Variants in KTN1 observed in about 807,000 individuals in gnomAD.
KTN1 encodes the protein kinectin.
In KTN1, 130 loss-of-function variants were observed where a neutral mutation model predicts 222.5. That is an observed-to-expected ratio of 0.58 (90% confidence interval 0.51 to 0.68). The LOEUF is 0.68. Among genes scored for constraint, KTN1 ranks in the 30% least tolerant of loss-of-function variants. The pLI is 0.00. For synonymous variants in KTN1, 512 were observed against 496.3 expected (o/e 1.03, Z -0.42); for missense variants, 1,508 against 1,500.4 (o/e 1.01, Z -0.08).
intron 1 of KTN1, among the ~76,000 whole-genome samples, chr14:55,606,931 AAT>A: frequency 6.6e-6 from 1 of 152,300 alleles, no homozygotes; most frequent in African/African-American, 2.4e-5. Context: ...GCTGCATTAC[AAT>A]CTTAATTATT....
chr14:55,637,854 A>C lies in KTN1; in HGVS notation c.1785+7A>C, dbSNP rs753549510. On this transcript the variant is annotated splice_region_variant and intron_variant, in intron 12 of 43. Transcript: ENST00000395314. ...TTCCCAGATAGCAGCCCAGGTAATGATGCTTTCTTATTGCTTATGATTAAT... is the reference window on the plus strand; with the variant it reads ...TTCCCAGATAGCAGCCCAGGTAATGCTGCTTTCTTATTGCTTATGATTAAT... 2.5e-6 allele frequency: 4 copies of C among 1,603,178 alleles called. No homozygotes were observed. Among genetic ancestry groups the C allele is most frequent in the South Asian group, 1.1e-5 (1 of 90,258 alleles).
At chr14:55,654,579 T>G (rs2043269752) in intron 28 of KTN1, among the ~76,000 whole-genome samples, 1 of 151,928 alleles carries the variant, frequency 6.6e-6, no homozygotes, top group Non-Finnish European at 1.5e-5. Flanking sequence ...AATTAATAGA[T>G]TTTATTTTTT....
chr14:55,583,637 CT>C (rs1480517892), intron 1 of KTN1, among the ~76,000 whole-genome samples: 2 of 152,186 alleles, frequency 1.3e-5, no homozygotes, highest in Non-Finnish European at 2.9e-5. Context: ...ACTTGACATG[CT>C]CAGTCCTTGT....
intron 5 of KTN1, among the ~76,000 whole-genome samples, chr14:55,625,605 T>A (rs184794663): frequency 6.6e-6 from 1 of 152,216 alleles, no homozygotes; most frequent in Non-Finnish European, 1.5e-5. Flanking sequence ...TCAATGTTAG[T>A]ACTTTTGTCA....
intron 29 of KTN1, among the ~76,000 whole-genome samples, chr14:55,656,515 A>G (rs989391400): frequency 6.6e-6 from 1 of 152,004 alleles, no homozygotes; most frequent in East Asian, 1.9e-4. Flanking sequence ...CTCAGGCTGG[A>G]GTACAGTGGC....
chr14:55,678,162 A>G (rs879778433), intron 41 of KTN1, among the ~76,000 whole-genome samples, 190 bp from the exon 42 acceptor site: 2 of 152,190 alleles, frequency 1.3e-5, no homozygotes, highest in African/African-American at 2.4e-5. Flanking sequence ...GCATTACTTA[A>G]GCTTTTAAAA....
chr14:55,623,290 A>G (rs1241802351), intron 5 of KTN1, among the ~76,000 whole-genome samples: 1 of 152,296 alleles, frequency 6.6e-6, no homozygotes, highest in Non-Finnish European at 1.5e-5. Context: ...AATGGCCCAG[A>G]GTAAAAAGGT....
intron 42 of KTN1, chr14:55,679,312 T>G: frequency 5.7e-6 from 2 of 353,842 alleles, no homozygotes; most frequent in Non-Finnish European, 1.0e-5. Flanking sequence ...TATTCATAGA[T>G]TCTAGATTTT....
At chr14:55,611,840 A>G in intron 1 of KTN1, 179 bp from the exon 2 acceptor site, 1 of 322,508 alleles carries the variant, frequency 3.1e-6, no homozygotes, top group Non-Finnish European at 5.6e-6. Context: ...TTTTCATAGT[A>G]TATATGAATT....
At position 55,646,989 on chromosome 14, in the gene KTN1, TG is replaced by T; in HGVS notation, c.2191del (p.Glu731AsnfsTer14). 2 of 1,535,026 alleles carry T rather than the reference TG, an allele frequency of 1.3e-6. No homozygotes were observed. The highest frequency in any genetic ancestry group is 1.8e-6 in the Non-Finnish European group (2 of 1,111,040). Reference protein sequence around the residue: ...LVSEQPNKDVVEQMEKCIQEK... With the variant: ...LVSEQPNKDVXEQMEKCIQEK... ...TTATTTTAGCCTAATAAGGATGTTG[TG>T]GAACAAATGGAAAAATGGTAAGAGT... On this transcript the variant is annotated frameshift_variant, in exon 19 of 44. Coordinates refer to ENST00000395314, the MANE Select transcript of KTN1 (RefSeq NM_001079521.2). LOFTEE classifies it high-confidence loss of function.
intron 28 of KTN1, among the ~76,000 whole-genome samples, chr14:55,655,406 G>A (rs1409856803): frequency 6.6e-6 from 1 of 152,088 alleles, no homozygotes; most frequent in Non-Finnish European, 1.5e-5. Context: ...TGAAATTCTG[G>A]ATCAAGGTGT....
chr14:55,617,062 CAT>C (rs555154117), intron 3 of KTN1, among the ~76,000 whole-genome samples: 96 of 152,270 alleles, frequency 6.3e-4, no homozygotes, highest in Middle Eastern at 3.4e-3. Flanking sequence ...ACAGAACTCA[CAT>C]GTGTATATGG....
intron 1 of KTN1, among the ~76,000 whole-genome samples, chr14:55,607,868 C>T (rs796944815): frequency 6.6e-6 from 1 of 152,134 alleles, no homozygotes; most frequent in Non-Finnish European, 1.5e-5. Context: ...GTGGTCCAGC[C>T]TGAGCAGTGT....
intron 2 of KTN1, among the ~76,000 whole-genome samples, 162 bp from the exon 3 acceptor site, chr14:55,616,355 G>T (rs1414007158): frequency 6.6e-6 from 1 of 152,204 alleles, no homozygotes; most frequent in Non-Finnish European, 1.5e-5. Context: ...AAGAGCTGGT[G>T]TAGTGGAGTA....
intron 5 of KTN1, 102 bp downstream of exon 5, chr14:55,619,414 C>A: frequency 9.9e-7 from 1 of 1,013,170 alleles, no homozygotes; most frequent in Non-Finnish European, 1.5e-6. Context: ...CCATCCTTAA[C>A]ATCTCAGAAC....
At chr14:55,655,260 T>C (rs1210034859) in intron 28 of KTN1, among the ~76,000 whole-genome samples, 2 of 152,228 alleles carry the variant, frequency 1.3e-5, no homozygotes, top group African/African-American at 2.4e-5. Context: ...ATTACAGGCA[T>C]GAGCCACCAT....
chr14:55,614,326 A>G (rs1425297700), intron 2 of KTN1, among the ~76,000 whole-genome samples: 1 of 152,186 alleles, frequency 6.6e-6, no homozygotes, highest in Non-Finnish European at 1.5e-5. Flanking sequence ...AGGTTATTTT[A>G]GTTTTCTAAA....
At chr14:55,659,633 T>C in intron 30 of KTN1, 33 bp from the exon 31 acceptor site, 1 of 1,351,906 alleles carries the variant, frequency 7.4e-7, no homozygotes, top group Non-Finnish European at 1.1e-6. Flanking sequence ...CTGAAAAGTT[T>C]TGTTCTGAAA....
chr14:55,679,381 GT>G (rs1595342321), intron 42 of KTN1, 183 bp from the exon 43 acceptor site: 1 of 510,112 alleles, frequency 2.0e-6, no homozygotes, highest in Non-Finnish European at 3.4e-6. Context: ...GTGCCAACTA[GT>G]TTGCACCACT....
Sources: gnomAD v4.1 joint callset for allele counts (sites outside exome capture counted in the v4.1 genomes callset) on GRCh38, gnomAD v4.1.1 for gene constraint, MANE v1.5 for transcripts, NCBI Gene and HGNC (gene_info 2026-07-23, HGNC 2026-07-21) for gene names.